Variants in SPPL2A observed in about 807,000 individuals in gnomAD.
The protein encoded by SPPL2A is signal peptide peptidase like 2A, also known as signal peptide peptidase-like 2A.
Under a neutral mutation model 63.8 loss-of-function variants are expected in SPPL2A, and 51 were observed. The observed-to-expected ratio is 0.80, with a 90% CI of 0.64 to 1.01. SPPL2A has a LOEUF of 1.01. Among genes scored for constraint, SPPL2A ranks in the 50% least tolerant of loss-of-function variants. SPPL2A has a pLI of 0.00. For missense variants in SPPL2A, 553 were observed against 622.7 expected (o/e 0.89, Z 1.19); for synonymous variants, 188 against 205.8 (o/e 0.91, Z 0.74).
chr15:50,716,358 C>T (rs1462447245), intron 14 of SPPL2A, among the ~76,000 whole-genome samples: 2 of 152,050 alleles, frequency 1.3e-5, no homozygotes, highest in East Asian at 3.9e-4. Context: ...CCATGCCCAG[C>T]TAATTTTTGC....
In SPPL2A at chr15:50,731,027, G is replaced by A. The variant is rs767575314; in HGVS notation, c.1027C>T (p.Leu343Phe). ...KLPNFKSCVILLGLLLLYDVF... is the reference protein window; with the variant it reads ...KLPNFKSCVIFLGLLLLYDVF... ...TCATAGAGGAGGAGAAGGCCTAGAAGTATCACACATGACTGTCAAAGAAAG... is the reference window on the plus strand; with the variant it reads ...TCATAGAGGAGGAGAAGGCCTAGAAATATCACACATGACTGTCAAAGAAAG... Residue 343 changes from leucine to phenylalanine, a missense_variant, in exon 10 of 15, where the codon CTT becomes TTT. Leu to Phe is a conservative substitution (Grantham distance 22). Coordinates refer to ENST00000261854, the MANE Select transcript of SPPL2A (RefSeq NM_032802.4). The A allele has an allele frequency of 2.0e-6, 3 of 1,469,756 alleles. No individual in the cohort carries two copies. The highest frequency in any genetic ancestry group is 2.3e-5 in the East Asian group (1 of 43,796). 91.0% of individuals were successfully genotyped at this position (1,469,756 alleles called of 1,614,324 possible).
intron 14 of SPPL2A, among the ~76,000 whole-genome samples, chr15:50,712,276 A>AT (rs1422418099): frequency 6.6e-6 from 1 of 152,220 alleles, no homozygotes; most frequent in Non-Finnish European, 1.5e-5. Flanking sequence ...GGTAAATGTG[A>AT]TTTTAATTGG....
intron 2 of SPPL2A, among the ~76,000 whole-genome samples, chr15:50,749,271 T>C (rs2062885406): frequency 6.6e-6 from 1 of 152,004 alleles, no homozygotes; most frequent in South Asian, 2.1e-4. Flanking sequence ...GTATCAGCCA[T>C]TGTACACAGC....
At chr15:50,730,096 C>G (rs1006465897) in intron 10 of SPPL2A, among the ~76,000 whole-genome samples, 1 of 151,816 alleles carries the variant, frequency 6.6e-6, no homozygotes, top group Non-Finnish European at 1.5e-5. Context: ...CAAAGCAAGA[C>G]TCAAAATGGG....
rs1056743621 is a variant in SPPL2A, at chr15:50,726,218, T to C, written c.1146+103A>G. 4.1e-5 allele frequency: 60 copies of C among 1,454,680 alleles called. No homozygotes were observed. In the African/African-American group the frequency reaches 4.5e-4, roughly 11 times the overall value. The allele number at this position is 1,454,680 out of a possible 1,614,324, so 90.1% of individuals were successfully genotyped here. A position where few individuals can be genotyped will look rare whatever the true frequency, so the allele number is the denominator to read the frequency against. On this transcript the variant is annotated intron_variant, in intron 11 of 14. Transcript: ENST00000261854. The stretch of plus-strand genomic sequence containing the variant: ...CTGAGAAATAAGTTTTACAATACCT[T>C]AACATGCACTATGTGGCCAGTGAAT...
At chr15:50,726,458 T>C in intron 10 of SPPL2A, 81 bp from the exon 11 acceptor site, 3 of 1,276,094 alleles carry the variant, frequency 2.4e-6, no homozygotes, top group Non-Finnish European at 3.4e-6. Flanking sequence ...TTAAGCCCCA[T>C]GGCATATGGC....
chr15:50,727,818 T>C (rs987158313), intron 10 of SPPL2A, among the ~76,000 whole-genome samples: 1 of 152,158 alleles, frequency 6.6e-6, no homozygotes, highest in African/African-American at 2.4e-5. Flanking sequence ...GCTGCCTTAA[T>C]AAAAACAAAC....
At chr15:50,731,225 A>AT (rs926881534) in intron 9 of SPPL2A, among the ~76,000 whole-genome samples, 186 bp from the exon 10 acceptor site, 8 of 152,104 alleles carry the variant, frequency 5.3e-5, no homozygotes, top group Non-Finnish European at 8.8e-5. Flanking sequence ...TCTTTATCTT[A>AT]TTTTTTTAAA....
intron 10 of SPPL2A, among the ~76,000 whole-genome samples, chr15:50,728,763 C>T (rs1385698229): frequency 6.6e-6 from 1 of 151,952 alleles, no homozygotes; most frequent in African/African-American, 2.4e-5. Context: ...CCACCTCAGT[C>T]TCCCGAGTAG....
chr15:50,732,728 A>T, intron 8 of SPPL2A, 44 bp from the exon 9 acceptor site: 1 of 1,187,130 alleles, frequency 8.4e-7, no homozygotes, highest in Non-Finnish European at 1.2e-6. Context: ...CAATGTTTAG[A>T]TGAAGCCTTT....
intron 1 of SPPL2A, among the ~76,000 whole-genome samples, chr15:50,752,717 G>GA (rs112938393): frequency 0.011 from 1,414 of 130,400 alleles, 15 homozygotes; most frequent in African/African-American, 0.031. Flanking sequence ...GACTCCATCT[G>GA]AAAAAAAAAA....
intron 1 of SPPL2A, among the ~76,000 whole-genome samples, chr15:50,754,819 C>A (rs1045341362): frequency 6.6e-6 from 1 of 151,930 alleles, no homozygotes. Context: ...CCTGTCTCTA[C>A]TAAAAATAAA....
At chr15:50,742,345 G>A (rs771753186) in intron 5 of SPPL2A, among the ~76,000 whole-genome samples, 17 of 151,776 alleles carry the variant, frequency 1.1e-4, no homozygotes, top group Non-Finnish European at 1.0e-4. Flanking sequence ...AGCCAAGATC[G>A]CGCCATTGCA....
intron 8 of SPPL2A, 27 bp from the exon 9 acceptor site, chr15:50,732,711 G>A: frequency 7.3e-7 from 1 of 1,369,530 alleles, no homozygotes; most frequent in African/African-American, 1.4e-5. Flanking sequence ...TTACTCTATT[G>A]CTTTATCAAT....
rs543158725 is a variant in SPPL2A at position 50,702,784 on chromosome 15, A to G, written c.*5016T>C. 1 of 152,314 alleles carries G rather than the reference A, an allele frequency of 6.6e-6. No homozygotes were observed. The highest frequency in any genetic ancestry group is 1.9e-4 in the East Asian group (1 of 5,188). 9.4% of individuals were successfully genotyped at this position (152,314 alleles called of 1,614,324 possible). On this transcript the variant is annotated 3_prime_UTR_variant, in exon 15 of 15. Coordinates refer to ENST00000261854, the MANE Select transcript of SPPL2A (RefSeq NM_032802.4). ...CTACTATAAAAATTTAGTTTTAAAA[A>G]TAATTTTTCTCCCAATGAACATTTT...
At chr15:50,744,076 G>A (rs551754816) in intron 5 of SPPL2A, among the ~76,000 whole-genome samples, 147 of 152,062 alleles carry the variant, frequency 9.7e-4, no homozygotes, top group African/African-American at 3.4e-3. Flanking sequence ...CTACTTGGGA[G>A]GCTGAGGCAG....
At chr15:50,719,024 T>C (rs1036566394) in intron 14 of SPPL2A, among the ~76,000 whole-genome samples, 1 of 152,238 alleles carries the variant, frequency 6.6e-6, no homozygotes, top group East Asian at 1.9e-4. Context: ...TTCCCAACTC[T>C]TCTTAATTTC....
At chr15:50,747,908 A>G in intron 4 of SPPL2A, 1 of 462,404 alleles carries the variant, frequency 2.2e-6, no homozygotes. Context: ...AAAGAACTGA[A>G]AACAAACATC....
chr15:50,728,404 C>T (rs1163699539), intron 10 of SPPL2A, among the ~76,000 whole-genome samples: 1 of 151,984 alleles, frequency 6.6e-6, no homozygotes, highest in Non-Finnish European at 1.5e-5. Flanking sequence ...AGTGCAGTGA[C>T]ACGATCTCGG....
Sources: gnomAD v4.1 joint callset for allele counts (sites outside exome capture counted in the v4.1 genomes callset) on GRCh38, gnomAD v4.1.1 for gene constraint, MANE v1.5 for transcripts, NCBI Gene and HGNC (gene_info 2026-07-23, HGNC 2026-07-21) for gene names.